The following OPCML variants were observed in gnomAD, a reference collection of about 807,000 sequenced individuals.
OPCML encodes opioid-binding protein/cell adhesion molecule.
In OPCML, 13 loss-of-function variants were observed where a neutral mutation model predicts 37.8. The observed-to-expected ratio is 0.34, with a 90% confidence interval of 0.22 to 0.55. The LOEUF (loss-of-function observed/expected upper bound fraction) is 0.55, where lower values mean the gene tolerates loss of function less well. Ranked by LOEUF, OPCML falls within the 20% of genes least tolerant of loss-of-function variation. The probability of loss-of-function intolerance (pLI) is 0.91; values close to 1 mark genes in which losing one functional copy is unlikely to be tolerated. For synonymous variants in OPCML, 176 were observed against 168.8 expected, an observed-to-expected ratio of 1.04 and a Z score of -0.33; for missense variants, 341 against 435.6, an observed-to-expected ratio of 0.78 and a Z score of 1.93.
intron 2 of OPCML, among the ~76,000 whole-genome samples, chr11:132,887,204 C>T (rs1943455976): frequency 6.6e-6 from 1 of 152,200 alleles, no homozygotes; most frequent in Non-Finnish European, 1.5e-5. Context: ...CACTGTATTA[C>T]AGCTGCCTCC....
intron 1 of OPCML, among the ~76,000 whole-genome samples, chr11:133,440,820 A>G (rs1946351628): frequency 6.9e-6 from 1 of 145,882 alleles, no homozygotes; most frequent in South Asian, 2.1e-4. Context: ...ATGTGTATAT[A>G]TATATATATA....
At chr11:132,524,245 AG>A (rs533127390) in intron 4 of OPCML, among the ~76,000 whole-genome samples, 4 of 152,200 alleles carry the variant, frequency 2.6e-5, no homozygotes, top group Non-Finnish European at 5.9e-5. Flanking sequence ...GGAACGGGAA[AG>A]GAAGTAATTC....
chr11:133,060,514 C>G (rs751069290), intron 1 of OPCML, among the ~76,000 whole-genome samples: 1 of 152,214 alleles, frequency 6.6e-6, no homozygotes, highest in Non-Finnish European at 1.5e-5. Context: ...ACGCTCAGGA[C>G]AAAGTCACCC....
intron 4 of OPCML, among the ~76,000 whole-genome samples, chr11:132,472,156 AC>A (rs771978914): frequency 9.8e-5 from 15 of 152,354 alleles, no homozygotes; most frequent in Non-Finnish European, 1.8e-4. Flanking sequence ...GAATATCCCT[AC>A]CTTTTTAAAT....
chr11:133,403,608 A>G (rs1050358475), intron 1 of OPCML, among the ~76,000 whole-genome samples: 1 of 152,180 alleles, frequency 6.6e-6, no homozygotes, highest in Non-Finnish European at 1.5e-5. Context: ...TTAGGAGATT[A>G]CCCTTTTATG....
chr11:132,681,626 G>A (rs1489741934), intron 2 of OPCML, among the ~76,000 whole-genome samples: 1 of 152,038 alleles, frequency 6.6e-6, no homozygotes, highest in Non-Finnish European at 1.5e-5. Context: ...ATTCCTCCGG[G>A]ATGCCGGACA....
At chr11:133,523,142 C>A (rs1948427051) in intron 1 of OPCML, among the ~76,000 whole-genome samples, 1 of 152,046 alleles carries the variant, frequency 6.6e-6, no homozygotes, top group African/African-American at 2.4e-5. Context: ...GGTAGAGAAA[C>A]CGAGTTATTC....
intron 1 of OPCML, among the ~76,000 whole-genome samples, chr11:133,191,504 G>GT (rs1565494837): frequency 0.042 from 5,917 of 142,416 alleles, 132 homozygotes; most frequent in Middle Eastern, 0.062. Flanking sequence ...TGTGTGTGTG[G>GT]GTGTGTGTGT....
At chr11:133,132,388 G>A (rs1949619023) in intron 1 of OPCML, among the ~76,000 whole-genome samples, 1 of 152,154 alleles carries the variant, frequency 6.6e-6, no homozygotes, top group South Asian at 2.1e-4. Context: ...ACCTGGTGCT[G>A]GTGAGGATAT....
intron 4 of OPCML, among the ~76,000 whole-genome samples, chr11:132,438,109 A>G (rs1033725287): frequency 6.6e-6 from 1 of 152,248 alleles, no homozygotes; most frequent in African/African-American, 2.4e-5. Context: ...CTTGTCATTT[A>G]TAATTCAAAA....
chr11:132,502,218 C>T (rs1022572952), intron 4 of OPCML, among the ~76,000 whole-genome samples: 2 of 152,226 alleles, frequency 1.3e-5, no homozygotes, highest in African/African-American at 4.8e-5. Context: ...AAAGACACAG[C>T]ATCACCCTCA....
chr11:132,765,698 G>A (rs1361243945), intron 2 of OPCML, among the ~76,000 whole-genome samples: 1 of 152,174 alleles, frequency 6.6e-6, no homozygotes, highest in African/African-American at 2.4e-5. Context: ...TGGCAGGAAG[G>A]TAAAAGAAGG....
chr11:132,475,339 C>G (rs2096151689), intron 4 of OPCML, among the ~76,000 whole-genome samples: 1 of 152,194 alleles, frequency 6.6e-6, no homozygotes, highest in Admixed American at 6.5e-5. Context: ...ACATGGAACT[C>G]TGAAGAGCTG....
chr11:133,508,967 T>C (rs1416055797), intron 1 of OPCML, among the ~76,000 whole-genome samples: 1 of 151,538 alleles, frequency 6.6e-6, no homozygotes, highest in Non-Finnish European at 1.5e-5. Flanking sequence ...TTTTGATATA[T>C]ATAAGTTCGT....
At chr11:133,414,923 G>A (rs531353739) in intron 1 of OPCML, among the ~76,000 whole-genome samples, 1 of 152,216 alleles carries the variant, frequency 6.6e-6, no homozygotes, top group South Asian at 2.1e-4. Flanking sequence ...TGCTAGGAGT[G>A]ATCAGAAGAC....
chr11:132,690,687 C>A (rs375096320), intron 2 of OPCML, among the ~76,000 whole-genome samples: 1 of 152,106 alleles, frequency 6.6e-6, no homozygotes, highest in Non-Finnish European at 1.5e-5. Flanking sequence ...TGTGCTCATG[C>A]GTGTGTGCCT....
At chr11:132,893,558 C>T (rs567111206) in intron 2 of OPCML, among the ~76,000 whole-genome samples, 1 of 152,318 alleles carries the variant, frequency 6.6e-6, no homozygotes, top group Non-Finnish European at 1.5e-5. Flanking sequence ...GGGAAGGGTG[C>T]AATTCGGAGA....
At chr11:132,472,212 T>C (rs1387911981) in intron 4 of OPCML, among the ~76,000 whole-genome samples, 4 of 152,228 alleles carry the variant, frequency 2.6e-5, no homozygotes, top group Admixed American at 1.3e-4. Flanking sequence ...GTGTTTTTGT[T>C]TGGAGTTCTA....
intron 3 of OPCML, among the ~76,000 whole-genome samples, chr11:132,592,048 G>A (rs1661280467): frequency 6.6e-6 from 1 of 152,164 alleles, no homozygotes; most frequent in African/African-American, 2.4e-5. Context: ...AAAAAATGAG[G>A]CAGCAGAAAT....
Sources: allele counts gnomAD v4.1 joint callset (sites outside exome capture counted in the v4.1 genomes callset), GRCh38; gene constraint gnomAD v4.1.1; transcripts MANE v1.5; gene names NCBI Gene and HGNC (gene_info 2026-07-23, HGNC 2026-07-21).